The following PRORP variants were observed in gnomAD, a reference collection of about 807,000 sequenced individuals.
The protein encoded by PRORP is protein only RNase P catalytic subunit.
In PRORP, 51 loss-of-function variants were observed where a neutral mutation model predicts 59.4. That is an observed-to-expected ratio of 0.86 (90% CI 0.69 to 1.08). The LOEUF is 1.08. PRORP is among the 50% of genes least tolerant of loss of function. PRORP has a pLI of 0.00. For synonymous variants in PRORP, 231 were observed against 245.6 expected (o/e 0.94, Z 0.55); for missense variants, 646 against 690.3 (o/e 0.94, Z 0.72).
intron 4 of PRORP, among the ~76,000 whole-genome samples, chr14:35,129,243 T>A (rs779150275): frequency 6.6e-6 from 1 of 152,060 alleles, no homozygotes; most frequent in African/African-American, 2.4e-5. Context: ...TTGTTTATTT[T>A]AAGTTTTTCT....
At position 35,124,835 on chromosome 14, in the gene PRORP, G is replaced by C. The variant is rs1473119754; in HGVS notation, c.986+604G>C. On this transcript the variant is annotated intron_variant, in intron 2 of 7. Coordinates refer to ENST00000534898, the MANE Select transcript of PRORP (RefSeq NM_014672.4). ...AGTTCCTCTGAAATCTAGCGACTGA[G>C]ATAATATGCTTATATTTATTCTGTC... 4.7e-5 allele frequency among the ~76,000 whole-genome samples: 7 copies of C among 149,472 alleles called. No individual in the cohort carries two copies. In the Admixed American group the frequency reaches 4.7e-4, roughly 10 times the overall value.
chr14:35,170,400 T>G lies in PRORP; in HGVS notation c.1168-10270T>G, dbSNP rs137964923. Among the ~76,000 whole-genome samples the G allele has an allele frequency of 3.3e-3, 501 of 152,244 alleles. 2 individuals are homozygous for G. Among genetic ancestry groups the G allele is most frequent in the African/African-American group, 0.011 (469 of 41,566 alleles). On this transcript the variant is annotated intron_variant, in intron 4 of 7. Transcript: ENST00000534898. The stretch of plus-strand genomic sequence containing the variant: ...ATACCTTTTTGCTTTTTTTTAAACT[T>G]TTAAAAAATTTTATCAACTCTGGCC...
intron 5 of PRORP, among the ~76,000 whole-genome samples, chr14:35,221,104 C>T (rs1291765433): frequency 1.3e-5 from 2 of 152,188 alleles, no homozygotes; most frequent in African/African-American, 2.4e-5. Flanking sequence ...CCAGCATCCT[C>T]ATCCATCCAC....
At position 35,123,855 on chromosome 14, in the gene PRORP, A is replaced by G; in HGVS notation, c.610A>G (p.Arg204Gly). The G allele has an allele frequency of 6.2e-7, 1 of 1,614,144 alleles. No homozygotes were observed. Among genetic ancestry groups the G allele is most frequent in the Non-Finnish European group, 8.5e-7 (1 of 1,180,014 alleles). Residue 204 changes from arginine to glycine, a missense_variant, in exon 2 of 8, where the codon AGA becomes GGA. Arg to Gly is a moderately radical substitution (Grantham distance 125). Transcript: ENST00000534898. The stretch of plus-strand genomic sequence containing the variant: ...TGATGTCTTTGAAATTATGAAAGCC[A>G]GATATAAGACTTTAGAACCTAGAGG... The part of the protein sequence containing the change: ...VIDVFEIMKA[R>G]YKTLEPRGYS...
rs1173545103 is a variant in PRORP at position 35,145,827 on chromosome 14, ATTTATTTT to A, written c.1167+18227_1167+18234del. ...TGATTATTTATTTATTTATTTATTT[ATTTATTTT>A]TTTATTTTTTGAGACAGAGTTTTGT... On this transcript the variant is annotated intron_variant, in intron 4 of 7. Transcript: ENST00000534898. Among the ~76,000 whole-genome samples, 79 of 113,278 alleles carry A rather than the reference ATTTATTTT, an allele frequency of 7.0e-4. 4 individuals carry two copies. Among genetic ancestry groups the A allele is most frequent in the African/African-American group, 1.5e-3 (57 of 37,874 alleles). 74.3% of individuals were successfully genotyped at this position (113,278 alleles called of 152,430 possible).
At chr14:35,238,859 A>G (rs1418150180) in intron 5 of PRORP, among the ~76,000 whole-genome samples, 1 of 152,216 alleles carries the variant, frequency 6.6e-6, no homozygotes, top group Admixed American at 6.5e-5. Context: ...TCACAAGGCT[A>G]TATATAAATG....
chr14:35,231,768 A>T (rs1024893059), intron 5 of PRORP, among the ~76,000 whole-genome samples: 4 of 152,192 alleles, frequency 2.6e-5, no homozygotes, highest in Non-Finnish European at 5.9e-5. Context: ...TAGAAATTTG[A>T]TATGTGTTTA....
chr14:35,253,121 G>A (rs547528289), intron 5 of PRORP, among the ~76,000 whole-genome samples: 10 of 152,224 alleles, frequency 6.6e-5, no homozygotes, highest in African/African-American at 1.9e-4. Flanking sequence ...ATTGCTTGAG[G>A]TCAGGAGTTC....
Position 35,182,101 on chromosome 14 carries a change from T to TA in PRORP, c.1275+1329dup, listed in dbSNP as rs200265032. ...TAACATGGTGAAACCCCATCTCTAC[T>TA]AAAAATACAAAAAAATTAGCCGGGC... On this transcript the variant is annotated intron_variant, in intron 5 of 7. Coordinates refer to ENST00000534898, the MANE Select transcript of PRORP (RefSeq NM_014672.4). Among the ~76,000 whole-genome samples the TA allele has an allele frequency of 9.5e-3, 1,415 of 149,538 alleles. 24 individuals carry two copies. The highest frequency in any genetic ancestry group is 0.065 in the South Asian group (309 of 4,718).
chr14:35,232,387 A>AT (rs1379413910), intron 5 of PRORP, among the ~76,000 whole-genome samples: 1 of 151,566 alleles, frequency 6.6e-6, no homozygotes, highest in Non-Finnish European at 1.5e-5. Context: ...AAAAAAAAAA[A>AT]TTTTTGTAGA....
At chr14:35,137,088 G>A (rs2047392719) in intron 4 of PRORP, among the ~76,000 whole-genome samples, 1 of 145,518 alleles carries the variant, frequency 6.9e-6, no homozygotes, top group Non-Finnish European at 1.5e-5. Flanking sequence ...TTTAATGGGG[G>A]CCAAATTCAG....
chr14:35,254,382 CTTGTTTGT>C (rs145337885), intron 5 of PRORP, among the ~76,000 whole-genome samples: 40 of 151,832 alleles, frequency 2.6e-4, no homozygotes, highest in Admixed American at 1.6e-3. Flanking sequence ...GGTTTGTTTG[CTTGTTTGT>C]TTGTTTGTTT....
intron 5 of PRORP, among the ~76,000 whole-genome samples, chr14:35,205,441 C>T (rs550510086): frequency 2.0e-5 from 3 of 152,242 alleles, no homozygotes; most frequent in East Asian, 1.9e-4. Context: ...CTGTCCACCT[C>T]GGCCTCCCAA....
At chr14:35,253,432 GAAAC>G (rs371506602) in intron 5 of PRORP, among the ~76,000 whole-genome samples, 1,545 of 150,748 alleles carry the variant, frequency 0.01, 29 homozygotes, top group African/African-American at 0.035. Flanking sequence ...AAAGAAAAAA[GAAAC>G]ACACACACAC....
chr14:35,151,153 G>T (rs10150899), intron 4 of PRORP, among the ~76,000 whole-genome samples: 119,300 of 152,060 alleles, frequency 0.78, 47,197 homozygotes, highest in Non-Finnish European at 0.84. Context: ...AGTGAGGTAC[G>T]TCCCAGAGTG....
chr14:35,129,329 A>G (rs746028515), intron 4 of PRORP, among the ~76,000 whole-genome samples: 2 of 152,016 alleles, frequency 1.3e-5, no homozygotes, highest in African/African-American at 4.8e-5. Flanking sequence ...GTTATTATTG[A>G]TAAGTAAGGA....
chr14:35,219,131 C>G (rs966947457), intron 5 of PRORP: 7 of 152,184 alleles, frequency 4.6e-5, no homozygotes, highest in Non-Finnish European at 8.8e-5. Context: ...GACCTTAGCT[C>G]TGCACACCAT....
chr14:35,198,257 A>G (rs2049055982), intron 5 of PRORP, among the ~76,000 whole-genome samples: 1 of 152,250 alleles, frequency 6.6e-6, no homozygotes, highest in Admixed American at 6.5e-5. Flanking sequence ...TATTCCTAAT[A>G]TTGAAACCAA....
chr14:35,190,597 C>T (rs1023803665), intron 5 of PRORP, among the ~76,000 whole-genome samples: 10 of 152,114 alleles, frequency 6.6e-5, no homozygotes, highest in South Asian at 4.2e-4. Flanking sequence ...CCTCCGCCTC[C>T]GGAGTTCAAG....
Sources: allele counts gnomAD v4.1 joint callset (sites outside exome capture counted in the v4.1 genomes callset), GRCh38; gene constraint gnomAD v4.1.1; transcripts MANE v1.5; gene names NCBI Gene and HGNC (gene_info 2026-07-23, HGNC 2026-07-21).